The following EHBP1 variants were observed in gnomAD, a reference collection of about 807,000 sequenced individuals.
EHBP1 encodes the protein EH domain binding protein 1.
Under a neutral mutation model 144.0 loss-of-function variants are expected in EHBP1, and 55 were observed. The observed-to-expected ratio is 0.38, with a 90% CI of 0.31 to 0.48. The LOEUF is 0.48. Ranked by LOEUF, EHBP1 falls within the 20% of genes least tolerant of loss-of-function variation. EHBP1 has a pLI of 0.98. For missense variants in EHBP1, 1,200 were observed against 1,364.2 expected, an observed-to-expected ratio of 0.88 and a Z score of 1.90; for synonymous variants, 469 against 472.7, an observed-to-expected ratio of 0.99 and a Z score of 0.10.
At chr2:62,860,710 A>G (rs983595436) in intron 8 of EHBP1, among the ~76,000 whole-genome samples, 8 of 152,210 alleles carry the variant, frequency 5.3e-5, no homozygotes, top group Admixed American at 3.3e-4. Context: ...AATATTTACA[A>G]AATGTCTTGA....
chr2:62,989,386 A>G (rs1243287816), intron 15 of EHBP1, among the ~76,000 whole-genome samples: 4 of 152,126 alleles, frequency 2.6e-5, no homozygotes, highest in Non-Finnish European at 5.9e-5. Flanking sequence ...TATGTGATGC[A>G]TATGTCCTGA....
intron 10 of EHBP1, among the ~76,000 whole-genome samples, chr2:62,902,265 G>A (rs1341277471): frequency 6.6e-6 from 1 of 152,176 alleles, no homozygotes; most frequent in African/African-American, 2.4e-5. Context: ...AAAAGCAACA[G>A]ATGTAGCTGA....
intron 10 of EHBP1, among the ~76,000 whole-genome samples, chr2:62,878,300 G>C (rs1455994958): frequency 6.6e-6 from 1 of 151,978 alleles, no homozygotes; most frequent in African/African-American, 2.4e-5. Flanking sequence ...CAATAATAAG[G>C]TCTGAAATTG....
chr2:62,927,350 G>A (rs898011454), intron 10 of EHBP1, among the ~76,000 whole-genome samples: 2 of 152,076 alleles, frequency 1.3e-5, no homozygotes, highest in African/African-American at 4.8e-5. Flanking sequence ...ATATTATTAG[G>A]AGGATATTGA....
At chr2:62,775,685 A>G (rs2042009002) in intron 5 of EHBP1, among the ~76,000 whole-genome samples, 1 of 152,196 alleles carries the variant, frequency 6.6e-6, no homozygotes, top group Non-Finnish European at 1.5e-5. Flanking sequence ...ACTATGTACC[A>G]GGTACTATGT....
chr2:63,044,770 C>G (rs1441550552), intron 21 of EHBP1: 1 of 233,852 alleles, frequency 4.3e-6, no homozygotes, highest in African/African-American at 2.3e-5. Flanking sequence ...CTCCCCTCCC[C>G]CACTTTGGCT....
chr2:62,882,607 G>T (rs2051543476), intron 10 of EHBP1, among the ~76,000 whole-genome samples: 1 of 152,210 alleles, frequency 6.6e-6, no homozygotes, highest in Non-Finnish European at 1.5e-5. Flanking sequence ...AATGGGCCGG[G>T]TGCGGTGGCT....
intron 5 of EHBP1, among the ~76,000 whole-genome samples, chr2:62,778,337 A>G (rs370384089): frequency 9.2e-5 from 14 of 152,222 alleles, no homozygotes; most frequent in African/African-American, 2.9e-4. Context: ...TCAGGAGTTC[A>G]AGACCACCAT....
intron 21 of EHBP1, among the ~76,000 whole-genome samples, chr2:63,042,252 A>T (rs1468729747): frequency 6.6e-6 from 1 of 152,162 alleles, no homozygotes; most frequent in Non-Finnish European, 1.5e-5. Context: ...TACATTTTTT[A>T]AAAAAGATAA....
intron 2 of EHBP1, among the ~76,000 whole-genome samples, chr2:62,727,604 G>A (rs1572987945): frequency 6.6e-6 from 1 of 151,990 alleles, no homozygotes; most frequent in South Asian, 2.1e-4. Flanking sequence ...ATGGTTTCAA[G>A]GTTCATCCAT....
Position 62,948,373 on chromosome 2 carries a change from G to A in EHBP1, c.1527G>A (p.Arg509=). The change falls in exon 13 of 23, where the codon AGG becomes AGA. Residue 509 remains arginine (R), a synonymous_variant. Transcript: ENST00000431489. ...LTVMTYLYQI[R]AHFSGQELNV... Reference sequence around the variant, plus strand: ...TTATGACTTATCTCTATCAAATAAGGGCACATTTCAGTGGCCAAGAACTAA... The same window carrying A: ...TTATGACTTATCTCTATCAAATAAGAGCACATTTCAGTGGCCAAGAACTAA... 13 of 1,613,760 alleles carry A rather than the reference G, an allele frequency of 8.1e-6. No homozygotes were observed. Among genetic ancestry groups the A allele is most frequent in the Non-Finnish European group, 1.1e-5 (13 of 1,179,910 alleles).
At chr2:62,970,579 C>T (rs532395451) in intron 14 of EHBP1, among the ~76,000 whole-genome samples, 1 of 152,166 alleles carries the variant, frequency 6.6e-6, no homozygotes, top group Non-Finnish European at 1.5e-5. Flanking sequence ...GACAGTTTCT[C>T]ATGTTCTAAT....
chr2:62,922,944 A>T (rs1228505427), intron 10 of EHBP1, among the ~76,000 whole-genome samples: 1 of 152,204 alleles, frequency 6.6e-6, no homozygotes, highest in African/African-American at 2.4e-5. Context: ...AGAATCCCAC[A>T]GTCTCCATTT....
At chr2:62,860,883 A>T (rs2049469837) in intron 8 of EHBP1, among the ~76,000 whole-genome samples, 1 of 152,164 alleles carries the variant, frequency 6.6e-6, no homozygotes, top group Non-Finnish European at 1.5e-5. Context: ...ATACCTGTAG[A>T]GCCAAACAAG....
chr2:62,774,895 C>T (rs2041949391), intron 5 of EHBP1, among the ~76,000 whole-genome samples: 1 of 151,990 alleles, frequency 6.6e-6, no homozygotes, highest in African/African-American at 2.4e-5. Context: ...AATCTCATCG[C>T]TGTGTAGTTT....
At chr2:62,917,040 T>C (rs2054678261) in intron 10 of EHBP1, among the ~76,000 whole-genome samples, 2 of 152,136 alleles carry the variant, frequency 1.3e-5, no homozygotes, top group African/African-American at 4.8e-5. Flanking sequence ...GTTTTGTCAT[T>C]ATATGAACAT....
chr2:62,907,987 G>C (rs1046554595), intron 10 of EHBP1, among the ~76,000 whole-genome samples: 14 of 152,164 alleles, frequency 9.2e-5, no homozygotes, highest in Non-Finnish European at 1.9e-4. Flanking sequence ...GAGAAGAAAG[G>C]AAATGTTACT....
chr2:62,942,725 CT>C lies in EHBP1; in HGVS notation c.1194del (p.Ile399TyrfsTer30). On this transcript the variant is annotated frameshift_variant, in exon 11 of 23. Coordinates refer to ENST00000431489, the MANE Select transcript of EHBP1 (RefSeq NM_001142616.3). LOFTEE classifies it high-confidence loss of function. ...KDLSTSPKPS[P>X]IPSPVLGRKP... ...CTTTTCATTTTTTTCTAGCCAAGCC[CT>C]ATACCAAGTCCTGTTTTGGGGCGAA... The C allele has an allele frequency of 6.3e-7, 1 of 1,598,524 alleles. No homozygotes were observed. Among genetic ancestry groups the C allele is most frequent in the Non-Finnish European group, 8.5e-7 (1 of 1,171,860 alleles).
intron 5 of EHBP1, among the ~76,000 whole-genome samples, chr2:62,791,107 A>G (rs187033217): frequency 3.7e-4 from 57 of 152,152 alleles, no homozygotes; most frequent in African/African-American, 1.3e-3. Context: ...AACTAGCCCA[A>G]AGTCATATTG....
Sources: allele counts gnomAD v4.1 joint callset (sites outside exome capture counted in the v4.1 genomes callset), GRCh38; gene constraint gnomAD v4.1.1; transcripts MANE v1.5; gene names NCBI Gene and HGNC (gene_info 2026-07-23, HGNC 2026-07-21).